The following ALDH8A1 variants were observed in gnomAD, a reference collection of about 807,000 sequenced individuals.
The protein encoded by ALDH8A1 is aldehyde dehydrogenase 8 family member A1, also known as 2-aminomuconic semialdehyde dehydrogenase.
ALDH8A1 carries 39 observed loss-of-function variants against 43.3 expected under a neutral mutation model. The ratio of observed to expected loss-of-function variants is 0.90; its 90% CI spans 0.70 to 1.18. The LOEUF (loss-of-function observed/expected upper bound fraction) is 1.18. Ranked by LOEUF, ALDH8A1 falls within the 50% of genes most tolerant of loss-of-function variation. The pLI, the probability that ALDH8A1 is intolerant of heterozygous loss-of-function variation, is 0.00. For synonymous variants in ALDH8A1, 233 were observed against 243.5 expected (o/e 0.96, Z 0.40); for missense variants, 605 against 622.6 (o/e 0.97, Z 0.30).
intron 6 of ALDH8A1, among the ~76,000 whole-genome samples, chr6:134,927,307 AAAGAAGAAG>A (rs530045910): frequency 2.7e-5 from 4 of 147,886 alleles, no homozygotes; most frequent in Non-Finnish European, 2.9e-5. Context: ...GTTAAAAAAG[AAAGAAGAAG>A]AAGAAGAAGA....
intron 5 of ALDH8A1, among the ~76,000 whole-genome samples, chr6:134,929,794 G>T (rs74557710): frequency 8.7e-4 from 132 of 152,198 alleles, no homozygotes; most frequent in Middle Eastern, 3.4e-3. Flanking sequence ...AAGAGATTAC[G>T]TTTTATTCTC....
intron 4 of ALDH8A1, among the ~76,000 whole-genome samples, chr6:134,933,658 T>C (rs1441977689): frequency 1.3e-5 from 2 of 152,240 alleles, no homozygotes; most frequent in South Asian, 2.1e-4. Flanking sequence ...AAGACTCTGC[T>C]ACCCTGTATC....
intron 5 of ALDH8A1, 33 bp downstream of exon 5, chr6:134,932,743 G>C (rs917321862): frequency 3.7e-5 from 60 of 1,605,990 alleles, no homozygotes; most frequent in Non-Finnish European, 4.9e-5. Context: ...ACAGGGCCAT[G>C]GAGGGGAGGG....
intron 5 of ALDH8A1, among the ~76,000 whole-genome samples, chr6:134,930,601 T>G (rs1359313465): frequency 6.6e-6 from 1 of 152,258 alleles, no homozygotes; most frequent in African/African-American, 2.4e-5. Flanking sequence ...GTTAATGTTT[T>G]GAAATAACAC....
At position 134,918,283 on chromosome 6, in the gene ALDH8A1, G is replaced by A; in HGVS notation, c.*132C>T. ...AGTGGGTAAAGTTACTAAGAACTGA[G>A]GATAAGCTAGAGATAACCTTCTGCC... On this transcript the variant is annotated 3_prime_UTR_variant, in exon 7 of 7. Transcript: ENST00000265605. 1 of 812,748 alleles carries A rather than the reference G, an allele frequency of 1.2e-6. No individual in the cohort carries two copies. The highest frequency in any genetic ancestry group is 1.9e-6 in the Non-Finnish European group (1 of 516,688). The allele number at this position is 812,748 out of a possible 1,614,324, so 50.3% of individuals were successfully genotyped here. A position where few individuals can be genotyped will look rare whatever the true frequency, so the allele number is the denominator to read the frequency against.
At position 134,929,132 on chromosome 6, in the gene ALDH8A1, G is replaced by C; in HGVS notation, c.933C>G (p.Thr311=). 1 of 1,614,144 alleles carries C rather than the reference G, an allele frequency of 6.2e-7. No individual in the cohort carries two copies. Among genetic ancestry groups the C allele is most frequent in the Non-Finnish European group, 8.5e-7 (1 of 1,180,012 alleles). The change falls in exon 6 of 7, where the codon ACC becomes ACG. Residue 311 remains threonine (T), a synonymous_variant. Coordinates refer to ENST00000265605, the MANE Select transcript of ALDH8A1 (RefSeq NM_022568.4). The stretch of plus-strand genomic sequence containing the variant: ...AGGGAATGCCGACTTTCCACTTTCT[G>C]GTAGCTTCTACAAATCTCTTTAAAA... ...SEFLKRFVEA[T]RKWKVGIPSD...
At chr6:134,918,986 C>T (rs1015868185) in intron 6 of ALDH8A1, 119 bp from the exon 7 acceptor site, 26 of 1,170,546 alleles carry the variant, frequency 2.2e-5, no homozygotes, top group Non-Finnish European at 2.9e-5. Flanking sequence ...CCTAAGAAAT[C>T]TATGGTCGAT....
intron 6 of ALDH8A1, among the ~76,000 whole-genome samples, chr6:134,924,875 C>T (rs1776859339): frequency 6.6e-6 from 1 of 152,106 alleles, no homozygotes; most frequent in Admixed American, 6.5e-5. Flanking sequence ...CACCAAAACA[C>T]AAAACTAAAG....
In ALDH8A1 at chr6:134,917,850, C is replaced by A. The variant is rs2114671079; in HGVS notation, c.*565G>T. On this transcript the variant is annotated 3_prime_UTR_variant, in exon 7 of 7. Transcript: ENST00000265605. ...TGATCATGGCTCACTGCAGCCTCAA[C>A]CGCCTGGGCTCAAGCGATCCTCCCA... 1 of 153,894 alleles carries A rather than the reference C, an allele frequency of 6.5e-6. No homozygotes were observed. The highest frequency in any genetic ancestry group is 6.4e-5 in the Admixed American group (1 of 15,524). 9.5% of individuals were successfully genotyped at this position (153,894 alleles called of 1,614,324 possible).
At chr6:134,924,319 G>A (rs918679790) in intron 6 of ALDH8A1, among the ~76,000 whole-genome samples, 1 of 152,244 alleles carries the variant, frequency 6.6e-6, no homozygotes, top group Non-Finnish European at 1.5e-5. Flanking sequence ...TATCACAAGG[G>A]ACTCTACAAA....
intron 4 of ALDH8A1, among the ~76,000 whole-genome samples, chr6:134,937,589 C>T (rs1436093702): frequency 6.6e-6 from 1 of 152,214 alleles, no homozygotes; most frequent in Non-Finnish European, 1.5e-5. Context: ...AAAGATAACT[C>T]ATCATCTATC....
At chr6:134,940,989 A>G (rs1370432953) in intron 3 of ALDH8A1, among the ~76,000 whole-genome samples, 1 of 152,224 alleles carries the variant, frequency 6.6e-6, no homozygotes, top group Non-Finnish European at 1.5e-5. Context: ...ATAAAATGTA[A>G]TAAGCTAAAA....
rs201195775 is a variant in ALDH8A1 at position 134,942,410 on chromosome 6, G to A, written c.441C>T (p.Val147=). 614 of 1,606,976 alleles carry A rather than the reference G, an allele frequency of 3.8e-4. 2 individuals carry two copies. The highest frequency in any genetic ancestry group is 1.3e-3 in the South Asian group (113 of 90,290). Residue 147 remains valine (V), a splice_region_variant and synonymous_variant, in exon 3 of 7, where the codon GTC becomes GTT. Coordinates refer to ENST00000265605, the MANE Select transcript of ALDH8A1 (RefSeq NM_022568.4). ...MHYTVRAPVG[V]AGLISPWNLP... ...GGGCTCTCACTGAACAGCACTCACC[G>A]ACTCCCACCGGGGCCCGCACCGTGT...
chr6:134,918,407 A>G lies in ALDH8A1; in HGVS notation c.*8T>C, dbSNP rs1776740868. On this transcript the variant is annotated 3_prime_UTR_variant, in exon 7 of 7. Transcript: ENST00000265605. ...CATTGGCCATAGTGGCTCCACCATT[A>G]GCAAAGATCAGTGTTTAACGGTGAT... The G allele has an allele frequency of 1.9e-6, 3 of 1,610,470 alleles. No homozygotes were observed. Among genetic ancestry groups the G allele is most frequent in the Non-Finnish European group, 2.5e-6 (3 of 1,177,256 alleles).
At position 134,939,302 on chromosome 6, in the gene ALDH8A1, T is replaced by C; in HGVS notation, c.556A>G (p.Thr186Ala). 1 of 1,614,224 alleles carries C rather than the reference T, an allele frequency of 6.2e-7. No homozygotes were observed. Among genetic ancestry groups the C allele is most frequent in the Non-Finnish European group, 8.5e-7 (1 of 1,180,034 alleles). ...AGGAGTTTGCACAACATCCACGCAG[T>C]CACTGAAGTCAGCTCACTGGGCTTG... is the stretch of plus-strand genomic sequence containing the variant. Reference protein sequence around the residue: ...IAKPSELTSVTAWMLCKLLDK... With the variant: ...IAKPSELTSVAAWMLCKLLDK... Residue 186 changes from threonine (T) to alanine (A), a missense_variant, in exon 4 of 7, where the codon ACT becomes GCT. Transcript: ENST00000265605.
Position 134,950,021 on chromosome 6 carries a change from T to C in ALDH8A1, c.33A>G (p.Glu11=). ...GTAAAAATTTTCCATCTATGAAGTT[T>C]TCCAGCATCAAAAGTGCGTTTGTTC... MAGTNALLML[E]NFIDGKFLPC... The change falls in exon 1 of 7, where the codon GAA becomes GAG. Residue 11 remains glutamate, a synonymous_variant. Coordinates refer to ENST00000265605, the MANE Select transcript of ALDH8A1 (RefSeq NM_022568.4). 1.2e-6 allele frequency: 2 copies of C among 1,612,972 alleles called. No individual in the cohort carries two copies. Among genetic ancestry groups the C allele is most frequent in the Non-Finnish European group, 1.7e-6 (2 of 1,179,510 alleles).
chr6:134,939,303 C>A lies in ALDH8A1; in HGVS notation c.555G>T (p.Val185=). ...GGAGTTTGCACAACATCCACGCAGTCACTGAAGTCAGCTCACTGGGCTTGG... is the reference window on the plus strand; with the variant it reads ...GGAGTTTGCACAACATCCACGCAGTAACTGAAGTCAGCTCACTGGGCTTGG... The part of the protein sequence containing the change: ...VIAKPSELTS[V]TAWMLCKLLD... Residue 185 remains valine, a synonymous_variant, in exon 4 of 7, where the codon GTG becomes GTT. Transcript: ENST00000265605. 1 of 1,614,222 alleles carries A rather than the reference C, an allele frequency of 6.2e-7. No individual in the cohort carries two copies. The highest frequency in any genetic ancestry group is 8.5e-7 in the Non-Finnish European group (1 of 1,180,046).
intron 3 of ALDH8A1, 67 bp from the exon 4 acceptor site, chr6:134,939,482 G>A (rs2114702122): frequency 2.0e-6 from 3 of 1,528,988 alleles, no homozygotes; most frequent in East Asian, 2.4e-5. Flanking sequence ...GGCCAAGTGG[G>A]GTTATTAACG....
intron 3 of ALDH8A1, 63 bp from the exon 4 acceptor site, chr6:134,939,478 G>C (rs1169301322): frequency 3.2e-6 from 5 of 1,553,268 alleles, no homozygotes; most frequent in Non-Finnish European, 4.4e-6. Flanking sequence ...GACTGGCCAA[G>C]TGGGGTTATT....
Sources: allele counts gnomAD v4.1 joint callset (sites outside exome capture counted in the v4.1 genomes callset), GRCh38; gene constraint gnomAD v4.1.1; transcripts MANE v1.5; gene names NCBI Gene and HGNC (gene_info 2026-07-23, HGNC 2026-07-21).